Variants in CDK17 observed in about 807,000 individuals in gnomAD.
CDK17 encodes cyclin dependent kinase 17, also known as cyclin-dependent kinase 17.
CDK17 carries 24 observed loss-of-function variants against 77.6 expected under a neutral mutation model. The observed-to-expected ratio is 0.31, with a 90% CI of 0.22 to 0.44. The LOEUF (loss-of-function observed/expected upper bound fraction) is 0.44. CDK17 is among the 20% of genes least tolerant of loss of function. The pLI, the probability that CDK17 is intolerant of heterozygous loss-of-function variation, is 1.00. For missense variants in CDK17, 429 were observed against 622.5 expected, an observed-to-expected ratio of 0.69 and a Z score of 3.31; for synonymous variants, 203 against 210.4, an observed-to-expected ratio of 0.96 and a Z score of 0.30.
rs34143645 is a variant in CDK17 at position 96,363,449 on chromosome 12, CAAAA to C, written c.-29-28588_-29-28585del. 3.4e-3 allele frequency among the ~76,000 whole-genome samples: 380 copies of C among 110,796 alleles called. 1 individual carries two copies. Among genetic ancestry groups the C allele is most frequent in the African/African-American group, 0.012 (351 of 28,918 alleles). 72.7% of individuals were successfully genotyped at this position (110,796 alleles called of 152,430 possible). A position where few individuals can be genotyped will look rare whatever the true frequency, so the allele number is the denominator to read the frequency against. On this transcript the variant is annotated intron_variant, in intron 1 of 16. Transcript: ENST00000261211. ...TGGGCAACAGAGCAAGACTTCGTCT[CAAAA>C]AAAAAAAAAAAAAAAAATTAGAGCC... is the stretch of plus-strand genomic sequence containing the variant.
chr12:96,288,078 T>A (rs924820045), intron 11 of CDK17, among the ~76,000 whole-genome samples: 1 of 152,104 alleles, frequency 6.6e-6, no homozygotes, highest in Non-Finnish European at 1.5e-5. Context: ...TTTTGCAAGA[T>A]GAAAAAGATT....
chr12:96,338,054 C>T (rs1953070374), intron 1 of CDK17, among the ~76,000 whole-genome samples: 1 of 152,178 alleles, frequency 6.6e-6, no homozygotes, highest in Non-Finnish European at 1.5e-5. Context: ...GGGGCTCTGG[C>T]CCACACTATA....
chr12:96,352,087 A>C (rs1953320302), intron 1 of CDK17, among the ~76,000 whole-genome samples: 1 of 152,164 alleles, frequency 6.6e-6, no homozygotes, highest in Non-Finnish European at 1.5e-5. Flanking sequence ...GGAGGGGGAA[A>C]CCAGCCAACT....
At chr12:96,312,050 G>A (rs1410368488) in intron 4 of CDK17, among the ~76,000 whole-genome samples, 4 of 152,256 alleles carry the variant, frequency 2.6e-5, no homozygotes, top group East Asian at 3.9e-4. Flanking sequence ...CAGGTCAGGC[G>A]CAGTGGCTCA....
intron 1 of CDK17, among the ~76,000 whole-genome samples, chr12:96,339,975 G>A (rs910516432): frequency 2.6e-5 from 4 of 151,876 alleles, no homozygotes; most frequent in Non-Finnish European, 5.9e-5. Context: ...TATTTTAGAT[G>A]TTTAAGTAAA....
chr12:96,286,631 G>A, intron 12 of CDK17, 33 bp downstream of exon 12: 2 of 1,482,794 alleles, frequency 1.3e-6, no homozygotes, highest in South Asian at 1.1e-5. Context: ...AATTATGGGT[G>A]CAAAATCACT....
At chr12:96,388,495 T>C (rs774998152) in intron 1 of CDK17, among the ~76,000 whole-genome samples, 3 of 152,298 alleles carry the variant, frequency 2.0e-5, no homozygotes, top group South Asian at 2.1e-4. Flanking sequence ...TAGAGGCATA[T>C]TAGAAAATCT....
At chr12:96,344,153 G>A (rs776331904) in intron 1 of CDK17, among the ~76,000 whole-genome samples, 3 of 152,062 alleles carry the variant, frequency 2.0e-5, no homozygotes, top group Non-Finnish European at 2.9e-5. Flanking sequence ...CAGTCTTAGG[G>A]ATACAAAGAA....
chr12:96,281,873 G>A (rs1952183206), intron 15 of CDK17: 1 of 152,198 alleles, frequency 6.6e-6, no homozygotes, highest in Non-Finnish European at 1.5e-5. Context: ...GGAAATTAAT[G>A]AAAGCTTTTG....
intron 1 of CDK17, among the ~76,000 whole-genome samples, chr12:96,394,061 C>T (rs1251336350): frequency 6.6e-6 from 1 of 151,948 alleles, no homozygotes; most frequent in Admixed American, 6.6e-5. Context: ...GCCTGGCCAA[C>T]ATGGTGAAAC....
intron 5 of CDK17, 142 bp from the exon 6 acceptor site, chr12:96,300,502 T>C (rs899764361): frequency 3.6e-6 from 2 of 555,018 alleles, no homozygotes; most frequent in Non-Finnish European, 6.4e-6. Context: ...GTTCAAGTGA[T>C]TCTCCTGCCT....
intron 4 of CDK17, 37 bp downstream of exon 4, chr12:96,313,284 A>G (rs748081915): frequency 8.5e-6 from 13 of 1,527,534 alleles, no homozygotes; most frequent in Non-Finnish European, 1.1e-5. Flanking sequence ...ACCAACACAC[A>G]TATTCACAAG....
chr12:96,341,575 T>C lies in CDK17; in HGVS notation c.-29-6710A>G, dbSNP rs116683632. ...ATGCAAATATAATGAATTATCTTAC[T>C]TCGCCTTGGGCTAAACTTGTTCTTG... On this transcript the variant is annotated intron_variant, in intron 1 of 16. Transcript: ENST00000261211. 3.4e-3 allele frequency among the ~76,000 whole-genome samples: 523 copies of C among 152,326 alleles called. 2 individuals carry two copies. Among genetic ancestry groups the C allele is most frequent in the African/African-American group, 0.011 (448 of 41,572 alleles).
At chr12:96,302,862 A>G (rs1565810652) in intron 5 of CDK17, among the ~76,000 whole-genome samples, 1 of 152,170 alleles carries the variant, frequency 6.6e-6, no homozygotes, top group Non-Finnish European at 1.5e-5. Context: ...CAGTCTATAA[A>G]ATAAACAACA....
At chr12:96,337,850 G>T (rs1953066914) in intron 1 of CDK17, among the ~76,000 whole-genome samples, 1 of 152,148 alleles carries the variant, frequency 6.6e-6, no homozygotes, top group Admixed American at 6.5e-5. Flanking sequence ...AAATAACTAG[G>T]GAGGCTTGGG....
chr12:96,289,112 T>G (rs1952283970), intron 11 of CDK17, 55 bp downstream of exon 11: 1 of 1,569,534 alleles, frequency 6.4e-7, no homozygotes, highest in African/African-American at 1.3e-5. Context: ...CATCTTGCAT[T>G]AACAGTTACA....
At chr12:96,340,662 A>T (rs1953109042) in intron 1 of CDK17, among the ~76,000 whole-genome samples, 1 of 152,164 alleles carries the variant, frequency 6.6e-6, no homozygotes, top group Non-Finnish European at 1.5e-5. Flanking sequence ...AACTAAAAAC[A>T]CCTTTTGTGA....
At chr12:96,382,684 T>C (rs1286709277) in intron 1 of CDK17, among the ~76,000 whole-genome samples, 1 of 152,210 alleles carries the variant, frequency 6.6e-6, no homozygotes, top group African/African-American at 2.4e-5. Flanking sequence ...GCTTTGTTCC[T>C]GGGGTGCAAG....
At chr12:96,399,905 T>A in intron 1 of CDK17, 81 bp downstream of exon 1, 6 of 295,176 alleles carry the variant, frequency 2.0e-5, no homozygotes, top group Non-Finnish European at 2.5e-5. Context: ...CGCCCCCGCC[T>A]CTGTCCCACG....
Sources: allele counts gnomAD v4.1 joint callset (sites outside exome capture counted in the v4.1 genomes callset), GRCh38; gene constraint gnomAD v4.1.1; transcripts MANE v1.5; gene names NCBI Gene and HGNC (gene_info 2026-07-23, HGNC 2026-07-21).